RASGRF2: variants seen among roughly 807,000 people sequenced by gnomAD.
RASGRF2 encodes the protein Ras protein specific guanine nucleotide releasing factor 2, also known as ras-specific guanine nucleotide-releasing factor 2.
In RASGRF2, 76 loss-of-function variants were observed where a neutral mutation model predicts 151.0. That is an observed-to-expected ratio of 0.50 (90% CI 0.42 to 0.61). RASGRF2 has a LOEUF of 0.61. Ranked by LOEUF, RASGRF2 falls within the 20% of genes least tolerant of loss-of-function variation. The pLI, the probability that RASGRF2 is intolerant of heterozygous loss-of-function variation, is 0.00. For synonymous variants in RASGRF2, 504 were observed against 566.5 expected, an observed-to-expected ratio of 0.89 and a Z score of 1.57; for missense variants, 1,148 against 1,564.6, an observed-to-expected ratio of 0.73 and a Z score of 4.49.
At chr5:81,096,765 GC>G (rs1335466607) in intron 12 of RASGRF2, among the ~76,000 whole-genome samples, 1 of 152,012 alleles carries the variant, frequency 6.6e-6, no homozygotes. Context: ...CCTGTCACTA[GC>G]AAAGGTCTAA....
intron 17 of RASGRF2, among the ~76,000 whole-genome samples, chr5:81,131,019 A>C (rs548091298): frequency 2.0e-5 from 3 of 152,122 alleles, no homozygotes; most frequent in Non-Finnish European, 4.4e-5. Flanking sequence ...CCATCAAAAT[A>C]TATAGGAATC....
At position 81,142,908 on chromosome 5, in the gene RASGRF2, A is replaced by C. The variant is rs1455633489; in HGVS notation, c.2686+15745A>C. Among the ~76,000 whole-genome samples the C allele has an allele frequency of 2.6e-5, 4 of 152,274 alleles. No homozygotes were observed. The East Asian group carries it at 7.7e-4, about 29-fold the overall frequency. The stretch of plus-strand genomic sequence containing the variant: ...CCTCTTGCAGTCTTGTCAGGAGTCC[A>C]GCAGTCTCTTAATGCATCCAACTGG... On this transcript the variant is annotated intron_variant, in intron 17 of 26. Coordinates refer to ENST00000265080, the MANE Select transcript of RASGRF2 (RefSeq NM_006909.3).
chr5:81,018,220 A>C (rs1209857203), intron 1 of RASGRF2, among the ~76,000 whole-genome samples: 3 of 152,194 alleles, frequency 2.0e-5, no homozygotes, highest in Admixed American at 6.5e-5. Flanking sequence ...TAGGTAGAGA[A>C]ACCCCTTGCA....
intron 19 of RASGRF2, among the ~76,000 whole-genome samples, chr5:81,206,313 G>A (rs1483216381): frequency 6.6e-6 from 1 of 152,194 alleles, no homozygotes; most frequent in African/African-American, 2.4e-5. Flanking sequence ...GGGGGAAGAA[G>A]CTATCTGCTG....
At chr5:81,207,032 G>T in intron 20 of RASGRF2, 127 bp downstream of exon 20, 1 of 894,534 alleles carries the variant, frequency 1.1e-6, no homozygotes, top group Non-Finnish European at 1.8e-6. Context: ...GTGAAGCTCT[G>T]TGAGATGAAC....
intron 19 of RASGRF2, among the ~76,000 whole-genome samples, chr5:81,203,118 G>A (rs1490528713): frequency 6.6e-6 from 1 of 152,212 alleles, no homozygotes; most frequent in African/African-American, 2.4e-5. Context: ...AAAATTGTAA[G>A]TACATATTGA....
At chr5:81,220,477 T>C (rs1755834420) in intron 26 of RASGRF2, among the ~76,000 whole-genome samples, 1 of 152,228 alleles carries the variant, frequency 6.6e-6, no homozygotes, top group South Asian at 2.1e-4. Context: ...TGAGCCCATA[T>C]TGATACATTA....
chr5:81,149,933 T>C (rs1168764654), intron 17 of RASGRF2, among the ~76,000 whole-genome samples: 1 of 152,070 alleles, frequency 6.6e-6, no homozygotes, highest in Non-Finnish European at 1.5e-5. Context: ...CTGAGTACTG[T>C]GGGGTGGGCG....
chr5:81,047,935 A>T (rs1003685418), intron 2 of RASGRF2, among the ~76,000 whole-genome samples: 5 of 152,170 alleles, frequency 3.3e-5, no homozygotes, highest in Non-Finnish European at 5.9e-5. Context: ...CCAGAACCTA[A>T]TGCTTGTGGT....
intron 2 of RASGRF2, among the ~76,000 whole-genome samples, chr5:81,046,769 T>C (rs1157293407): frequency 6.6e-6 from 1 of 152,144 alleles, no homozygotes; most frequent in Non-Finnish European, 1.5e-5. Context: ...ACTGACCTGG[T>C]TGATTGTGAG....
chr5:81,215,205 G>A lies in RASGRF2; in HGVS notation c.3355-671G>A, dbSNP rs115042314. Among the ~76,000 whole-genome samples the A allele has an allele frequency of 1.1e-3, 164 of 151,958 alleles. 2 individuals carry two copies. The highest frequency in any genetic ancestry group is 3.9e-3 in the African/African-American group (160 of 41,436). On this transcript the variant is annotated intron_variant, in intron 23 of 26. Transcript: ENST00000265080. ...AGTACAAAAGTTAGCCGCATGTGGT[G>A]GCATGCGCCTGTAAATTCCACTTGT...
Position 81,018,997 on chromosome 5 carries a change from G to A in RASGRF2, c.289-23880G>A, listed in dbSNP as rs1290662363. Among the ~76,000 whole-genome samples, 12 of 150,412 alleles carry A rather than the reference G, an allele frequency of 8.0e-5. No individual in the cohort carries two copies. The South Asian group carries it at 1.7e-3, about 21-fold the overall frequency. Reference sequence around the variant, plus strand: ...GTATTTTTGGTAGAGATAGGGTTTCGCCTTGTTGGCCAGGCTGGTCTCAAA... The same window carrying A: ...GTATTTTTGGTAGAGATAGGGTTTCACCTTGTTGGCCAGGCTGGTCTCAAA... On this transcript the variant is annotated intron_variant, in intron 1 of 26. Coordinates refer to ENST00000265080, the MANE Select transcript of RASGRF2 (RefSeq NM_006909.3).
intron 1 of RASGRF2, among the ~76,000 whole-genome samples, chr5:81,004,837 A>G (rs535420045): frequency 3.9e-5 from 6 of 152,336 alleles, no homozygotes; most frequent in Admixed American, 2.6e-4. Flanking sequence ...ATGATAATCT[A>G]TGTAGCTGAT....
At chr5:81,104,923 G>A (rs746480599) in intron 12 of RASGRF2, among the ~76,000 whole-genome samples, 5 of 152,146 alleles carry the variant, frequency 3.3e-5, no homozygotes, top group Non-Finnish European at 4.4e-5. Flanking sequence ...GTTACACATC[G>A]TGGCTTGTGG....
intron 2 of RASGRF2, among the ~76,000 whole-genome samples, chr5:81,051,919 C>T (rs996479799): frequency 2.0e-5 from 3 of 152,152 alleles, no homozygotes; most frequent in Admixed American, 6.5e-5. Flanking sequence ...AGTGGCTGCA[C>T]CATTTTACAT....
At chr5:80,989,292 A>T (rs530002685) in intron 1 of RASGRF2, among the ~76,000 whole-genome samples, 19 of 152,050 alleles carry the variant, frequency 1.2e-4, no homozygotes, top group African/African-American at 3.6e-4. Context: ...ATTTTTTTTT[A>T]AAAGAAAGAA....
chr5:81,052,933 T>C (rs1382005730), intron 2 of RASGRF2, among the ~76,000 whole-genome samples: 5 of 152,252 alleles, frequency 3.3e-5, no homozygotes, highest in East Asian at 1.9e-4. Flanking sequence ...TTCTTTCTTT[T>C]TTTTATTCTA....
chr5:81,055,435 A>T (rs534274623), intron 2 of RASGRF2, among the ~76,000 whole-genome samples: 3 of 152,148 alleles, frequency 2.0e-5, no homozygotes, highest in African/African-American at 7.2e-5. Context: ...ACGTTTATTG[A>T]TTTTGGGTAT....
intron 22 of RASGRF2, 95 bp downstream of exon 22, chr5:81,208,533 A>AC (rs1755561190): frequency 3.5e-6 from 1 of 281,932 alleles, no homozygotes; most frequent in African/African-American, 3.6e-5. Context: ...TCTGTCACCC[A>AC]CTTTTTTTTT....
Sources: allele counts gnomAD v4.1 joint callset (sites outside exome capture counted in the v4.1 genomes callset), GRCh38; gene constraint gnomAD v4.1.1; transcripts MANE v1.5; gene names NCBI Gene and HGNC (gene_info 2026-07-23, HGNC 2026-07-21).